CRHBP: variants seen among roughly 807,000 people sequenced by gnomAD.
CRHBP encodes corticotropin-releasing hormone-binding protein.
Under a neutral mutation model 34.9 loss-of-function variants are expected in CRHBP, and 19 were observed. The observed-to-expected ratio is 0.55, with a 90% CI of 0.38 to 0.80. The LOEUF is 0.80. Among genes scored for constraint, CRHBP ranks in the 30% least tolerant of loss-of-function variants. The pLI, the probability that CRHBP is intolerant of heterozygous loss-of-function variation, is 0.00. For synonymous variants in CRHBP, 154 were observed against 153.4 expected (o/e 1.00, Z -0.03); for missense variants, 328 against 409.2 (o/e 0.80, Z 1.71).
chr5:76,953,789 G>T, intron 2 of CRHBP, 95 bp downstream of exon 2: 6 of 1,358,778 alleles, frequency 4.4e-6, no homozygotes, highest in South Asian at 3.9e-5. Flanking sequence ...CTCGGGGAAG[G>T]GGCTGGCCGG....
downstream of CRHBP, chr5:76,969,500 G>A (rs1745911789): frequency 6.6e-6 from 1 of 152,654 alleles, no homozygotes; most frequent in Non-Finnish European, 1.5e-5. Context: ...GCTTTCCTGA[G>A]TAGTCCTCTT....
At chr5:76,962,484 G>GA (rs143018756) in intron 5 of CRHBP, among the ~76,000 whole-genome samples, 1,784 of 151,868 alleles carry the variant, frequency 0.012, 49 homozygotes, top group African/African-American at 0.041. Context: ...AGACAGTGTG[G>GA]AAAAAATGAA....
intron 6 of CRHBP, among the ~76,000 whole-genome samples, chr5:76,968,419 C>CCTTTT (rs1253383854): frequency 6.6e-6 from 1 of 152,146 alleles, no homozygotes; most frequent in Admixed American, 6.5e-5. Flanking sequence ...GCCTTTACTA[C>CCTTTT]TTAGGCTTTG....
At chr5:76,974,333 G>T (rs1745990535), downstream of CRHBP, among the ~76,000 whole-genome samples, 1 of 150,350 alleles carries the variant, frequency 6.7e-6, no homozygotes, top group African/African-American at 2.5e-5. Context: ...TGTATTTTTA[G>T]TAGAGAGGGG....
At chr5:76,980,254 C>CAAAA (rs574362034) in intron 3 of CRHBP, among the ~76,000 whole-genome samples, 86 of 81,064 alleles carry the variant, frequency 1.1e-3, no homozygotes, top group Non-Finnish European at 1.4e-3. Context: ...GACTCCGTCT[C>CAAAA]AAAAAAAAAA....
downstream of CRHBP, among the ~76,000 whole-genome samples, chr5:76,972,316 A>C (rs1745959203): frequency 6.6e-6 from 1 of 152,072 alleles, no homozygotes; most frequent in African/African-American, 2.4e-5. Flanking sequence ...CCTGATCAGC[A>C]TGATGAAACC....
At chr5:76,962,218 A>G (rs1580094165) in intron 5 of CRHBP, among the ~76,000 whole-genome samples, 1 of 152,298 alleles carries the variant, frequency 6.6e-6, no homozygotes, top group East Asian at 1.9e-4. Context: ...GCACACTTCA[A>G]TGAAAAAGAG....
At chr5:76,978,682 A>T (rs1320537067) in intron 3 of CRHBP, among the ~76,000 whole-genome samples, 1 of 152,250 alleles carries the variant, frequency 6.6e-6, no homozygotes, top group Non-Finnish European at 1.5e-5. Flanking sequence ...CAATCTCACA[A>T]TAAAACTTTA....
chr5:76,979,574 C>G (rs1171891512), intron 3 of CRHBP, among the ~76,000 whole-genome samples: 1 of 151,810 alleles, frequency 6.6e-6, no homozygotes, highest in Non-Finnish European at 1.5e-5. Context: ...TGGTCTTGAT[C>G]TCCTGACCTC....
At chr5:76,963,818 C>A (rs1745819576) in intron 6 of CRHBP, among the ~76,000 whole-genome samples, 2 of 151,894 alleles carry the variant, frequency 1.3e-5, no homozygotes, top group Admixed American at 1.3e-4. Flanking sequence ...GATGTATCAT[C>A]AATTAGTAAT....
chr5:76,962,692 C>A (rs1350586183), intron 5 of CRHBP, among the ~76,000 whole-genome samples: 1 of 150,856 alleles, frequency 6.6e-6, no homozygotes, highest in African/African-American at 2.4e-5. Context: ...AGAATGAATT[C>A]TTTTGAGTAG....
At chr5:76,975,825 A>AAAAAAAAAAAATATATATATATAT in intron 2 of CRHBP, among the ~76,000 whole-genome samples, 4 of 61,838 alleles carry the variant, frequency 6.5e-5, no homozygotes, top group Non-Finnish European at 8.2e-5. Flanking sequence ...AAAAAAAAAA[A>AAAAAAAAAAAATATATATATATAT]ATATATATAT....
At position 76,955,876 on chromosome 5, in the gene CRHBP, A is replaced by C; in HGVS notation, c.544+13A>C. On this transcript the variant is annotated intron_variant, in intron 4 of 6. Coordinates refer to ENST00000274368, the MANE Select transcript of CRHBP (RefSeq NM_001882.4). ...CCCAACCTCTTTCGTAAGTGTTCTCAGTCAAAAGGCAGAACTTCGGATATA... is the reference window on the plus strand; with the variant it reads ...CCCAACCTCTTTCGTAAGTGTTCTCCGTCAAAAGGCAGAACTTCGGATATA... The C allele has an allele frequency of 1.2e-6, 2 of 1,611,578 alleles. No homozygotes were observed. The highest frequency in any genetic ancestry group is 8.5e-7 in the Non-Finnish European group (1 of 1,178,070).
At chr5:76,963,319 T>C (rs779631763) in intron 5 of CRHBP, 24 bp from the exon 6 acceptor site, 1 of 1,603,380 alleles carries the variant, frequency 6.2e-7, no homozygotes, top group Admixed American at 1.7e-5. Flanking sequence ...AAATGTGTCT[T>C]TCTCTGCTGC....
downstream of CRHBP, among the ~76,000 whole-genome samples, chr5:76,973,912 TC>T (rs781456836): frequency 5.4e-4 from 82 of 151,912 alleles, no homozygotes; most frequent in Non-Finnish European, 1.1e-3. Context: ...CAAGCGATTC[TC>T]CCGCCTCAGC....
At chr5:76,975,817 A>AT (rs1448304496) in intron 2 of CRHBP, among the ~76,000 whole-genome samples, 3 of 85,080 alleles carry the variant, frequency 3.5e-5, no homozygotes, top group African/African-American at 1.5e-4. Flanking sequence ...AAAAAAAAAA[A>AT]AAAAAAAAAT....
At chr5:76,963,818 CAATT>C (rs1745819638) in intron 6 of CRHBP, among the ~76,000 whole-genome samples, 1 of 151,894 alleles carries the variant, frequency 6.6e-6, no homozygotes, top group African/African-American at 2.4e-5. Context: ...GATGTATCAT[CAATT>C]AGTAATAGGA....
At chr5:76,972,920 C>T (rs1745967247), downstream of CRHBP, among the ~76,000 whole-genome samples, 2 of 152,130 alleles carry the variant, frequency 1.3e-5, no homozygotes, top group East Asian at 3.9e-4. Context: ...TGATGTCCAC[C>T]CCTTGATATG....
At chr5:76,953,506 GC>G in intron 1 of CRHBP, 94 bp from the exon 2 acceptor site, 1 of 1,214,722 alleles carries the variant, frequency 8.2e-7, no homozygotes. Flanking sequence ...CTCTTTATTC[GC>G]TATGCTGAGT....
Sources: allele counts gnomAD v4.1 joint callset (sites outside exome capture counted in the v4.1 genomes callset), GRCh38; gene constraint gnomAD v4.1.1; transcripts MANE v1.5; gene names NCBI Gene and HGNC (gene_info 2026-07-23, HGNC 2026-07-21).